Variants in COL4A1 observed in about 807,000 individuals in gnomAD.
The protein encoded by COL4A1 is collagen alpha-1(IV) chain.
COL4A1 carries 40 observed loss-of-function variants against 216.6 expected under a neutral mutation model. The ratio of observed to expected loss-of-function variants is 0.18; its 90% CI spans 0.14 to 0.24. COL4A1 has a LOEUF of 0.24. Among genes scored for constraint, COL4A1 ranks in the 10% least tolerant of loss-of-function variants. The probability of loss-of-function intolerance (pLI) is 1.00; values close to 1 mark genes in which losing one functional copy is unlikely to be tolerated. For missense variants in COL4A1, 1,628 were observed against 2,196.8 expected (o/e 0.74, Z 5.18); for synonymous variants, 839 against 810.7 (o/e 1.03, Z -0.59).
intron 42 of COL4A1, 69 bp from the exon 43 acceptor site, chr13:110,169,831 A>G: frequency 6.4e-7 from 1 of 1,563,634 alleles, no homozygotes; most frequent in African/African-American, 1.4e-5. Flanking sequence ...CTGTGGGGCT[A>G]TCAATACTGC....
chr13:110,174,753 C>T lies in COL4A1; in HGVS notation c.3199-4G>A, dbSNP rs1248633406. 6.2e-7 allele frequency: 1 copy of T among 1,613,132 alleles called. No individual in the cohort carries two copies. The highest frequency in any genetic ancestry group is 1.7e-5 in the Admixed American group (1 of 60,020). ...AACCCGCTATCCCTTGATCTCCCTG[C>T]AAGTAAAAGTCAGGCATATTAACTT... On this transcript the variant is annotated splice_region_variant and splice_polypyrimidine_tract_variant and intron_variant, in intron 37 of 51. Transcript: ENST00000375820.
rs74124043 is a variant in COL4A1, at chr13:110,291,267, C to T, written c.84+15677G>A. Reference sequence around the variant, plus strand: ...GTTTTGCACTAAATTCATCTAAACTCTTGATCTTGTCTTTTCATTTCTTCA... The same window carrying T: ...GTTTTGCACTAAATTCATCTAAACTTTTGATCTTGTCTTTTCATTTCTTCA... On this transcript the variant is annotated intron_variant, in intron 1 of 51. Transcript: ENST00000375820. 5.1e-3 allele frequency among the ~76,000 whole-genome samples: 778 copies of T among 152,342 alleles called. 10 individuals carry two copies. The highest frequency in any genetic ancestry group is 0.018 in the African/African-American group (749 of 41,578).
intron 1 of COL4A1, among the ~76,000 whole-genome samples, chr13:110,292,773 A>T (rs571519735): frequency 6.6e-6 from 1 of 152,276 alleles, no homozygotes; most frequent in East Asian, 1.9e-4. Context: ...ACATGTAGGG[A>T]GGGACAGGAA....
chr13:110,291,282 T>C (rs1240230389), intron 1 of COL4A1, among the ~76,000 whole-genome samples: 2 of 152,238 alleles, frequency 1.3e-5, no homozygotes, highest in African/African-American at 4.8e-5. Context: ...TCTTGTCTTT[T>C]CATTTCTTCA....
At chr13:110,272,315 G>A (rs1262001307) in intron 1 of COL4A1, among the ~76,000 whole-genome samples, 2 of 152,182 alleles carry the variant, frequency 1.3e-5, no homozygotes, top group South Asian at 4.1e-4. Context: ...ATAGACCGTA[G>A]ATACGTGAAC....
intron 1 of COL4A1, among the ~76,000 whole-genome samples, chr13:110,288,310 G>A (rs1287583786): frequency 3.3e-5 from 5 of 151,272 alleles, no homozygotes; most frequent in East Asian, 1.9e-4. Context: ...AAGCCTGAGC[G>A]CAGCCTTGAA....
intron 1 of COL4A1, among the ~76,000 whole-genome samples, chr13:110,275,685 G>A (rs185859696): frequency 1.7e-3 from 262 of 152,252 alleles, no homozygotes; most frequent in African/African-American, 5.9e-3. Flanking sequence ...AACAACCTGT[G>A]GGACATCCAG....
At chr13:110,191,925 A>C (rs1344935704) in intron 24 of COL4A1, among the ~76,000 whole-genome samples, 1 of 152,212 alleles carries the variant, frequency 6.6e-6, no homozygotes, top group African/African-American at 2.4e-5. Flanking sequence ...CCCTGAGGGA[A>C]GGACACACTC....
chr13:110,294,464 C>T (rs1219592443), intron 1 of COL4A1, among the ~76,000 whole-genome samples: 1 of 152,236 alleles, frequency 6.6e-6, no homozygotes, highest in African/African-American at 2.4e-5. Context: ...CTGATGGTTT[C>T]ATCCACTCTA....
chr13:110,222,608 CTAAAAATACAAAAAAT>C (rs1880546166), intron 2 of COL4A1, among the ~76,000 whole-genome samples: 1 of 146,582 alleles, frequency 6.8e-6, no homozygotes, highest in South Asian at 2.2e-4. Flanking sequence ...CCCGTCTCTA[CTAAAAATACAAAAAAT>C]TAGCCGGGTG....
Position 110,149,961 on chromosome 13 carries a change from T to A in COL4A1, c.*402A>T. ...ATTTTGAAACAGCTAGACAGTGATA[T>A]AAACAAACATTTATCTCTGGGGGTA... On this transcript the variant is annotated 3_prime_UTR_variant, in exon 52 of 52. Transcript: ENST00000375820. 3.1e-6 allele frequency: 1 copy of A among 327,848 alleles called. No homozygotes were observed. Among genetic ancestry groups the A allele is most frequent in the Non-Finnish European group, 6.0e-6 (1 of 167,700 alleles). 20.3% of individuals were successfully genotyped at this position (327,848 alleles called of 1,614,324 possible). A position where few individuals can be genotyped will look rare whatever the true frequency, so the allele number is the denominator to read the frequency against.
chr13:110,272,580 AG>A (rs939148640), intron 1 of COL4A1, among the ~76,000 whole-genome samples: 5 of 151,762 alleles, frequency 3.3e-5, no homozygotes, highest in African/African-American at 1.2e-4. Flanking sequence ...CTAAAAGAAA[AG>A]GGGGGGAACT....
chr13:110,164,763 T>C, intron 46 of COL4A1, 99 bp downstream of exon 46: 1 of 1,516,340 alleles, frequency 6.6e-7, no homozygotes, highest in Non-Finnish European at 8.9e-7. Context: ...TGTATAATCA[T>C]TACCCAGAAA....
chr13:110,223,557 G>A (rs897706029), intron 2 of COL4A1, among the ~76,000 whole-genome samples: 2 of 152,064 alleles, frequency 1.3e-5, no homozygotes, highest in Non-Finnish European at 2.9e-5. Flanking sequence ...TCTTCAAAAC[G>A]AGAAAAACAG....
intron 1 of COL4A1, among the ~76,000 whole-genome samples, chr13:110,294,273 A>G (rs1884188188): frequency 6.6e-6 from 1 of 152,196 alleles, no homozygotes; most frequent in African/African-American, 2.4e-5. Context: ...GCCCCTTCAC[A>G]CAGGGTCCGG....
At position 110,191,486 on chromosome 13, in the gene COL4A1, C is replaced by G. The variant is rs554562684; in HGVS notation, c.1536+728G>C. The G allele has an allele frequency of 4.8e-3, 2,232 of 460,636 alleles. 10 individuals carry two copies. The highest frequency in any genetic ancestry group is 0.014 in the Middle Eastern group (25 of 1,832). The allele number at this position is 460,636 out of a possible 1,614,324, so 28.5% of individuals were successfully genotyped here. A position where few individuals can be genotyped will look rare whatever the true frequency, so the allele number is the denominator to read the frequency against. Reference sequence around the variant, plus strand: ...CTTCAGAAACAGAAGTCATTATATGCAAGAAAATAATGTCCTTCAAAATTC... The same window carrying G: ...CTTCAGAAACAGAAGTCATTATATGGAAGAAAATAATGTCCTTCAAAATTC... On this transcript the variant is annotated intron_variant, in intron 24 of 51. Coordinates refer to ENST00000375820, the MANE Select transcript of COL4A1 (RefSeq NM_001845.6).
intron 9 of COL4A1, 37 bp downstream of exon 9, chr13:110,210,092 G>T: frequency 6.2e-7 from 1 of 1,613,776 alleles, no homozygotes; most frequent in Non-Finnish European, 8.5e-7. Flanking sequence ...GGGAGGGTGA[G>T]GTGGCACATG....
intron 2 of COL4A1, among the ~76,000 whole-genome samples, chr13:110,216,205 T>C (rs1880066347): frequency 6.6e-6 from 1 of 152,148 alleles, no homozygotes; most frequent in Non-Finnish European, 1.5e-5. Context: ...CTGAGGCCTG[T>C]GACAGTGAGG....
At chr13:110,195,818 C>T (rs142418709) in intron 21 of COL4A1, among the ~76,000 whole-genome samples, 1 of 152,284 alleles carries the variant, frequency 6.6e-6, no homozygotes, top group East Asian at 1.9e-4. Context: ...ACTTGGTATC[C>T]AGCATCCCTG....
Sources: allele counts gnomAD v4.1 joint callset (sites outside exome capture counted in the v4.1 genomes callset), GRCh38; gene constraint gnomAD v4.1.1; transcripts MANE v1.5; gene names NCBI Gene and HGNC (gene_info 2026-07-23, HGNC 2026-07-21).